Variants in PCDHGA10 observed in about 807,000 individuals in gnomAD.
PCDHGA10 encodes the protein protocadherin gamma subfamily A, 10.
PCDHGA10 carries 42 observed loss-of-function variants against 59.5 expected under a neutral mutation model. That is an observed-to-expected ratio of 0.71 (90% confidence interval 0.55 to 0.91). The LOEUF (loss-of-function observed/expected upper bound fraction) is 0.91, where lower values mean the gene tolerates loss of function less well. Among genes scored for constraint, PCDHGA10 ranks in the 40% least tolerant of loss-of-function variants. The probability of loss-of-function intolerance (pLI) is 0.00; values close to 1 mark genes in which losing one functional copy is unlikely to be tolerated. For synonymous variants in PCDHGA10, 511 were observed against 517.2 expected, an observed-to-expected ratio of 0.99 and a Z score of 0.16; for missense variants, 1,111 against 1,198.2, an observed-to-expected ratio of 0.93 and a Z score of 1.07.
chr5:141,485,867 G>A lies in PCDHGA10; in HGVS notation c.2437-8940G>A. On this transcript the variant is annotated intron_variant, in intron 1 of 3. Coordinates refer to ENST00000398610, the MANE Select transcript of PCDHGA10 (RefSeq NM_018913.3). The surrounding 1 kb of genome is among the most constrained non-coding windows in gnomAD (Gnocchi z 5.7). ...TGGCACCGCAGAGCTCCGGGTATCC[G>A]TGCTGGACGTAAACGACAACGCCCC... The A allele has an allele frequency of 1.9e-6, 3 of 1,614,164 alleles. No homozygotes were observed. Among genetic ancestry groups the A allele is most frequent in the Non-Finnish European group, 8.5e-7 (1 of 1,180,040 alleles).
At chr5:141,508,123 G>A (rs989767852) in intron 3 of PCDHGA10, 1 of 152,616 alleles carries the variant, frequency 6.6e-6, no homozygotes, top group Non-Finnish European at 1.5e-5. Context: ...GAGGACAGAG[G>A]GAGGTCAGGG....
chr5:141,420,769 C>T (rs2096524721), intron 1 of PCDHGA10, among the ~76,000 whole-genome samples: 1 of 152,212 alleles, frequency 6.6e-6, no homozygotes, highest in Admixed American at 6.5e-5. Flanking sequence ...AAGTTTTCAG[C>T]TCCAGTAATA....
At chr5:141,450,653 A>AT (rs2098689237) in intron 1 of PCDHGA10, among the ~76,000 whole-genome samples, 1 of 151,192 alleles carries the variant, frequency 6.6e-6, no homozygotes, top group Non-Finnish European at 1.5e-5. Context: ...TGCCTGGCTA[A>AT]TTTTTGTACT....
Position 141,477,833 on chromosome 5 carries a change from G to C in PCDHGA10, c.2437-16974G>C. Reference sequence around the variant, plus strand: ...CCCCCAGGTCCTATATCCTCGGCCAGGTGGGAGCTCGGTGGAGATGCTGCC... The same window carrying C: ...CCCCCAGGTCCTATATCCTCGGCCACGTGGGAGCTCGGTGGAGATGCTGCC... On this transcript the variant is annotated intron_variant, in intron 1 of 3. Transcript: ENST00000398610. This position sits in a 1 kb window ranked among gnomAD's most constrained non-coding sequence, Gnocchi z 4.9. The C allele has an allele frequency of 6.2e-7, 1 of 1,614,174 alleles. No individual in the cohort carries two copies.
chr5:141,456,712 C>T (rs1025899058), intron 1 of PCDHGA10, among the ~76,000 whole-genome samples: 2 of 152,190 alleles, frequency 1.3e-5, no homozygotes, highest in African/African-American at 4.8e-5. Context: ...CGCCTGTAAT[C>T]CCAGCACTTT....
rs1369501221 is a variant in PCDHGA10 at position 141,493,257 on chromosome 5, A to G, written c.2437-1550A>G. On this transcript the variant is annotated intron_variant, in intron 1 of 3. Coordinates refer to ENST00000398610, the MANE Select transcript of PCDHGA10 (RefSeq NM_018913.3). The surrounding 1 kb of genome is among the most constrained non-coding windows in gnomAD (Gnocchi z 4.3). ...GGCTAGGTACTAACATGCCTCTCTT[A>G]TAACAGCTTCACAGAGGTCAAGTGA... Among the ~76,000 whole-genome samples the G allele has an allele frequency of 6.6e-6, 1 of 152,190 alleles. No individual in the cohort carries two copies. Among genetic ancestry groups the G allele is most frequent in the South Asian group, 2.1e-4 (1 of 4,830 alleles).
intron 1 of PCDHGA10, among the ~76,000 whole-genome samples, chr5:141,468,824 C>A (rs1288506117): frequency 6.6e-6 from 1 of 152,010 alleles, no homozygotes; most frequent in Non-Finnish European, 1.5e-5. Flanking sequence ...CAAGATCAAG[C>A]CACTGCACTC....
chr5:141,511,233 TACCTGC>T lies in PCDHGA10; in HGVS notation c.*64_*69del. 4 of 1,595,428 alleles carry T rather than the reference TACCTGC, an allele frequency of 2.5e-6. No individual in the cohort carries two copies. The highest frequency in any genetic ancestry group is 3.4e-6 in the Non-Finnish European group (4 of 1,170,894). ...CTCCCCAACCAGCCCAGCTTCTCCT[TACCTGC>T]ACCCAGGCCTCAGAGTTTCAGGGCT... On this transcript the variant is annotated 3_prime_UTR_variant, in exon 4 of 4. Transcript: ENST00000398610.
chr5:141,423,415 G>GA (rs750028507), intron 1 of PCDHGA10: 3 of 1,614,134 alleles, frequency 1.9e-6, no homozygotes, highest in Non-Finnish European at 2.5e-6. Context: ...GCAGGCTTCT[G>GA]AAGGCGGGTT....
At position 141,413,833 on chromosome 5, in the gene PCDHGA10, G is replaced by A. The variant is rs917295013; in HGVS notation, c.658G>A (p.Asp220Asn). The A allele has an allele frequency of 6.2e-7, 1 of 1,613,276 alleles. No homozygotes were observed. Among genetic ancestry groups the A allele is most frequent in the Non-Finnish European group, 8.5e-7 (1 of 1,179,868 alleles). ...TCACCACCTGGTCCTCACCGCCTCC[G>A]ACGGGGGTGACCCTCTCCGATCTGG... is the stretch of plus-strand genomic sequence containing the variant. ...AIHHLVLTAS[D>N]GGDPLRSGTV... Residue 220 changes from aspartate to asparagine, a missense_variant, in exon 1 of 4, where the codon GAC (aspartate) becomes AAC (asparagine). Physicochemically the swap from Asp to Asn is conservative, Grantham distance 23. Transcript: ENST00000398610.
At chr5:141,427,812 G>C (rs1380721111) in intron 1 of PCDHGA10, 1 of 1,524,406 alleles carries the variant, frequency 6.6e-7, no homozygotes, top group Non-Finnish European at 9.0e-7. Flanking sequence ...CGCACAGAGC[G>C]GGGTGGTGGT....
chr5:141,452,929 G>A (rs2154564099), intron 1 of PCDHGA10, among the ~76,000 whole-genome samples: 1 of 152,310 alleles, frequency 6.6e-6, no homozygotes, highest in Admixed American at 6.5e-5. Flanking sequence ...AAGAGCTGCT[G>A]AAGATTTGCT....
intron 1 of PCDHGA10, chr5:141,419,781 G>T: frequency 6.2e-7 from 1 of 1,614,032 alleles, no homozygotes; most frequent in Non-Finnish European, 8.5e-7. Context: ...GTCCGCCAGC[G>T]CCTGCTAGTC....
chr5:141,421,617 C>T, intron 1 of PCDHGA10: 3 of 1,613,768 alleles, frequency 1.9e-6, no homozygotes, highest in African/African-American at 1.3e-5. Context: ...TTAATGATAA[C>T]GCCCCCAGCT....
At chr5:141,456,214 G>C (rs552287407) in intron 1 of PCDHGA10, among the ~76,000 whole-genome samples, 8 of 152,136 alleles carry the variant, frequency 5.3e-5, no homozygotes, top group Non-Finnish European at 7.4e-5. Context: ...CCTCCCTGTG[G>C]CGATATCAAA....
At chr5:141,453,586 C>T (rs1409763264) in intron 1 of PCDHGA10, among the ~76,000 whole-genome samples, 1 of 152,204 alleles carries the variant, frequency 6.6e-6, no homozygotes, top group Non-Finnish European at 1.5e-5. Context: ...GGTTTATCCT[C>T]ACTGTGTTTC....
chr5:141,427,229 G>A (rs1377470019), intron 1 of PCDHGA10: 3 of 456,628 alleles, frequency 6.6e-6, no homozygotes, highest in Non-Finnish European at 1.3e-5. Context: ...GTTATACCAT[G>A]AGAGTAGAAG....
intron 1 of PCDHGA10, among the ~76,000 whole-genome samples, chr5:141,451,719 TA>T (rs2098722539): frequency 6.6e-6 from 1 of 152,016 alleles, no homozygotes; most frequent in Non-Finnish European, 1.5e-5. Flanking sequence ...CTGCCTCTAC[TA>T]AAAATACAAA....
intron 1 of PCDHGA10, among the ~76,000 whole-genome samples, chr5:141,447,728 A>G (rs2098549955): frequency 6.6e-6 from 1 of 152,204 alleles, no homozygotes; most frequent in Non-Finnish European, 1.5e-5. Flanking sequence ...TCCAAAACTC[A>G]TTGAACTTAA....
Sources: allele counts gnomAD v4.1 joint callset (sites outside exome capture counted in the v4.1 genomes callset), GRCh38; gene constraint gnomAD v4.1.1; non-coding constraint Gnocchi (gnomAD v3.1); transcripts MANE v1.5; gene names NCBI Gene and HGNC (gene_info 2026-07-23, HGNC 2026-07-21).